Variants in MKLN1 observed in about 807,000 individuals in gnomAD.
The protein encoded by MKLN1 is muskelin.
MKLN1 carries 18 observed loss-of-function variants against 99.0 expected under a neutral mutation model. That is an observed-to-expected ratio of 0.18 (90% confidence interval 0.13 to 0.27). MKLN1 has a LOEUF of 0.27. Among genes scored for constraint, MKLN1 ranks in the 10% least tolerant of loss-of-function variants. The pLI is 1.00. For missense variants in MKLN1, 621 were observed against 875.9 expected (o/e 0.71, Z 3.67); for synonymous variants, 288 against 293.2 (o/e 0.98, Z 0.18).
At position 131,268,562 on chromosome 7, in the gene MKLN1, G is replaced by A. The variant is rs185528516; in HGVS notation, c.-179+65588G>A. Among the ~76,000 whole-genome samples the A allele has an allele frequency of 3.3e-5, 5 of 152,274 alleles. No homozygotes were observed. The East Asian group carries it at 7.7e-4, about 23-fold the overall frequency. ...CTTCCATCTTGGGGCTCTGTCTTCC[G>A]TGGGGTTCCCAGAGTCCTTTCCATC... is the stretch of plus-strand genomic sequence containing the variant. On this transcript the variant is annotated intron_variant, in intron 3 of 7. Coordinates refer to the MKLN1 transcript ENST00000416992.
chr7:131,110,225 G>A (rs571553638), intron 1 of MKLN1: 1 of 164,730 alleles, frequency 6.1e-6, no homozygotes, highest in Admixed American at 6.5e-5. Context: ...GGGCGGTGCA[G>A]GTGGTCGCCT....
At chr7:131,264,609 C>T (rs541225363) in intron 3 of MKLN1, among the ~76,000 whole-genome samples, 9 of 152,128 alleles carry the variant, frequency 5.9e-5, no homozygotes, top group African/African-American at 2.2e-4. Context: ...TAAACTCTGC[C>T]CAAGGTTGCC....
intron 6 of MKLN1, 105 bp downstream of exon 6, chr7:131,399,538 T>A: frequency 1.0e-6 from 1 of 975,354 alleles, no homozygotes; most frequent in Non-Finnish European, 1.5e-6. Context: ...ATTTTTTTTC[T>A]TGGTTTTTTA....
chr7:131,396,330 C>T (rs1158572077), intron 4 of MKLN1, among the ~76,000 whole-genome samples: 1 of 152,192 alleles, frequency 6.6e-6, no homozygotes, highest in East Asian at 1.9e-4. Flanking sequence ...GCCACGGCCT[C>T]CCAAAGTGCT....
intron 3 of MKLN1, among the ~76,000 whole-genome samples, chr7:131,279,748 A>G (rs1584886936): frequency 6.6e-6 from 1 of 152,220 alleles, no homozygotes; most frequent in East Asian, 1.9e-4. Context: ...TGGAGACTGC[A>G]GTGAACCATG....
intron 8 of MKLN1, among the ~76,000 whole-genome samples, chr7:131,415,088 A>T (rs947027495): frequency 2.6e-5 from 4 of 151,668 alleles, no homozygotes; most frequent in African/African-American, 9.7e-5. Flanking sequence ...CCTGTAAATA[A>T]TTTAGTTGTT....
intron 16 of MKLN1, among the ~76,000 whole-genome samples, chr7:131,477,578 A>G (rs539407258): frequency 6.6e-6 from 1 of 152,318 alleles, no homozygotes; most frequent in Non-Finnish European, 1.5e-5. Context: ...GAGGACTGAT[A>G]CCCAGAATGT....
At chr7:131,410,398 G>T (rs1794840325) in intron 6 of MKLN1, among the ~76,000 whole-genome samples, 1 of 152,120 alleles carries the variant, frequency 6.6e-6, no homozygotes, top group Non-Finnish European at 1.5e-5. Context: ...AATGAGATGA[G>T]ACAGCATAAA....
At chr7:131,466,194 A>C in intron 14 of MKLN1, 82 bp from the exon 15 acceptor site, 2 of 929,574 alleles carry the variant, frequency 2.2e-6, no homozygotes, top group Non-Finnish European at 3.0e-6. Flanking sequence ...GGGCTCAGGA[A>C]GTTAACCTGT....
rs1291332853 is a variant in MKLN1, at chr7:131,475,795, G to C, written c.2032-2828G>C. Among the ~76,000 whole-genome samples the C allele has an allele frequency of 2.0e-5, 3 of 152,160 alleles. No homozygotes were observed. In the East Asian group the frequency reaches 5.8e-4, roughly 29 times the overall value. On this transcript the variant is annotated intron_variant, in intron 16 of 17. Coordinates refer to ENST00000352689, the MANE Select transcript of MKLN1 (RefSeq NM_013255.5). ...CACTGCACGCTGAACCTTGGTGACA[G>C]AGTGGGATCCTATCTCAGAATAAAT...
chr7:131,243,595 G>A (rs960208279), intron 3 of MKLN1, among the ~76,000 whole-genome samples: 1 of 152,168 alleles, frequency 6.6e-6, no homozygotes, highest in Non-Finnish European at 1.5e-5. Flanking sequence ...ATTAAATACA[G>A]CAAATCTGCT....
At chr7:131,275,567 AT>A (rs869119196) in intron 3 of MKLN1, among the ~76,000 whole-genome samples, 34 of 5,602 alleles carry the variant, frequency 6.1e-3, no homozygotes, top group African/African-American at 6.1e-3. Context: ...ATATATATAT[AT>A]TTTTTTTTTT....
intron 3 of MKLN1, among the ~76,000 whole-genome samples, chr7:131,252,402 C>T (rs1797597005): frequency 7.0e-6 from 1 of 141,974 alleles, no homozygotes; most frequent in Admixed American, 7.6e-5. Flanking sequence ...GATCTCGGCT[C>T]ACTGCAACCT....
chr7:131,165,251 T>A (rs1352981997), intron 2 of MKLN1, among the ~76,000 whole-genome samples: 5 of 152,166 alleles, frequency 3.3e-5, no homozygotes, highest in Non-Finnish European at 5.9e-5. Flanking sequence ...AATGGCGCGA[T>A]CTCTGCTCAC....
chr7:131,386,208 T>C (rs1794017551), intron 2 of MKLN1, among the ~76,000 whole-genome samples: 1 of 152,070 alleles, frequency 6.6e-6, no homozygotes, highest in South Asian at 2.1e-4. Context: ...AAAACGGGGT[T>C]TCACCATGTT....
intron 2 of MKLN1, among the ~76,000 whole-genome samples, chr7:131,191,879 A>G (rs1407705538): frequency 2.2e-5 from 3 of 136,898 alleles, no homozygotes; most frequent in Non-Finnish European, 3.2e-5. Context: ...ATGCCTGACT[A>G]TTTTTTTTTT....
Position 131,221,502 on chromosome 7 carries a change from CTTTTTT to C in MKLN1, c.-179+18545_-179+18550del, listed in dbSNP as rs71174930. On this transcript the variant is annotated intron_variant, in intron 3 of 7. Transcript: ENST00000416992. ...CCATTCTGGAGATTTGATCATGCCACTTTTTTTTTTTTTTTTTTTTTTAAAGACCGA... is the reference window on the plus strand; with the variant it reads ...CCATTCTGGAGATTTGATCATGCCACTTTTTTTTTTTTTTTTAAAGACCGA... Among the ~76,000 whole-genome samples the C allele has an allele frequency of 4.0e-5, 5 of 123,988 alleles. 1 individual carries two copies. Among genetic ancestry groups the C allele is most frequent in the Admixed American group, 3.4e-4 (4 of 11,934 alleles). The allele number at this position is 123,988 out of a possible 152,430, so 81.3% of individuals were successfully genotyped here. A position where few individuals can be genotyped will look rare whatever the true frequency, so the allele number is the denominator to read the frequency against.
intron 3 of MKLN1, 76 bp downstream of exon 3, chr7:131,387,338 T>C (rs1794064568): frequency 2.2e-6 from 3 of 1,362,588 alleles, no homozygotes; most frequent in Admixed American, 4.7e-5. Flanking sequence ...CTAATCTGCA[T>C]GGTTTGATTT....
chr7:131,151,199 A>G (rs1795884183), intron 2 of MKLN1, among the ~76,000 whole-genome samples: 1 of 152,224 alleles, frequency 6.6e-6, no homozygotes, highest in African/African-American at 2.4e-5. Flanking sequence ...AATCGGAAGG[A>G]GCAGCCTTCC....
Sources: allele counts gnomAD v4.1 joint callset (sites outside exome capture counted in the v4.1 genomes callset), GRCh38; gene constraint gnomAD v4.1.1; transcripts MANE v1.5; gene names NCBI Gene and HGNC (gene_info 2026-07-23, HGNC 2026-07-21).